The following MROH1 variants were observed in gnomAD, a reference collection of about 807,000 sequenced individuals.
The protein encoded by MROH1 is maestro heat-like repeat-containing protein family member 1.
Under a neutral mutation model 116.5 loss-of-function variants are expected in MROH1, and 117 were observed. The observed-to-expected ratio is 1.00, with a 90% CI of 0.86 to 1.17. The LOEUF is 1.17. MROH1 is among the 50% of genes most tolerant of loss of function. MROH1 has a pLI of 0.00. For synonymous variants in MROH1, 921 were observed against 583.9 expected (o/e 1.58, Z -8.32); for missense variants, 1,873 against 1,338.5 (o/e 1.40, Z -6.23).
intron 14 of MROH1, among the ~76,000 whole-genome samples, chr8:144,236,962 G>A (rs1325487405): frequency 3.0e-5 from 4 of 134,496 alleles, no homozygotes; most frequent in Non-Finnish European, 1.5e-5. Flanking sequence ...CTGGAGTGCA[G>A]TGGGGTAATC....
At position 144,244,558 on chromosome 8, in the gene MROH1, TCATGGG is replaced by T. The variant is rs1300035713; in HGVS notation, c.2766+20_2766+25del. On this transcript the variant is annotated intron_variant, in intron 28 of 43. Coordinates refer to ENST00000326134, the MANE Select transcript of MROH1 (RefSeq NM_032450.3). Reference sequence around the variant, plus strand: ...GATTGAGGTGTGCAGGGGGGAACTGTCATGGGGATGGGGATGGGGGCACAGAGGGCA... The same window carrying T: ...GATTGAGGTGTGCAGGGGGGAACTGTGATGGGGATGGGGGCACAGAGGGCA... 6.8e-6 allele frequency: 5 copies of T among 733,444 alleles called. No homozygotes were observed. In the African/African-American group the frequency reaches 9.5e-5, roughly 14 times the overall value. The allele number at this position is 733,444 out of a possible 1,614,324, so 45.4% of individuals were successfully genotyped here.
intron 39 of MROH1, 63 bp downstream of exon 39, chr8:144,260,437 C>A (rs1339346313): frequency 1.4e-6 from 1 of 700,302 alleles, no homozygotes; most frequent in African/African-American, 1.8e-5. Flanking sequence ...TTACTCTGAG[C>A]TTTAGCCCCA....
At chr8:144,222,066 C>T (rs1836875889) in intron 13 of MROH1, among the ~76,000 whole-genome samples, 1 of 151,672 alleles carries the variant, frequency 6.6e-6, no homozygotes, top group Admixed American at 6.6e-5. Flanking sequence ...ACTGCAGATT[C>T]AGGGACCAGA....
intron 19 of MROH1, 25 bp downstream of exon 19, chr8:144,240,178 C>CTGG (rs1840726885): frequency 2.6e-6 from 2 of 765,060 alleles, no homozygotes; most frequent in Non-Finnish European, 4.9e-6. Context: ...ACGGCCCATC[C>CTGG]TGGGCCTTAA....
At chr8:144,206,878 C>CA (rs977438901) in intron 12 of MROH1, among the ~76,000 whole-genome samples, 1 of 150,876 alleles carries the variant, frequency 6.6e-6, no homozygotes, top group African/African-American at 2.4e-5. Context: ...ACTAAAAATA[C>CA]AAAAAAATGC....
intron 29 of MROH1, among the ~76,000 whole-genome samples, chr8:144,246,689 C>G (rs899849050): frequency 1.3e-5 from 2 of 152,170 alleles, no homozygotes; most frequent in African/African-American, 2.4e-5. Context: ...AGCCCAGGAT[C>G]CTGTGCAAGG....
At chr8:144,243,460 C>T (rs2132975838) in intron 24 of MROH1, 34 bp from the exon 25 acceptor site, 5 of 777,044 alleles carry the variant, frequency 6.4e-6, no homozygotes, top group South Asian at 2.7e-5. Flanking sequence ...GGAGGGCGGG[C>T]GTGGGCGTCT....
At chr8:144,157,989 CTTTTTTTTTTTTT>C (rs1157662078) in intron 1 of MROH1, among the ~76,000 whole-genome samples, 36 of 88,868 alleles carry the variant, frequency 4.1e-4, no homozygotes, top group African/African-American at 1.6e-3. Flanking sequence ...CTATTTCTTT[CTTTTTTTTTTTTT>C]TTTTTTTTGA....
intron 14 of MROH1, among the ~76,000 whole-genome samples, chr8:144,228,258 C>T (rs1016559370): frequency 6.6e-6 from 1 of 152,140 alleles, no homozygotes; most frequent in Non-Finnish European, 1.5e-5. Context: ...TTACACTATA[C>T]TGTAGTATAT....
intron 14 of MROH1, among the ~76,000 whole-genome samples, chr8:144,237,817 A>AT (rs1270786125): frequency 6.6e-6 from 1 of 151,452 alleles, no homozygotes; most frequent in Non-Finnish European, 1.5e-5. Context: ...CTTTTGGTGC[A>AT]TTTTTTCGCA....
chr8:144,214,948 C>T (rs571151485), intron 12 of MROH1, among the ~76,000 whole-genome samples: 134 of 152,296 alleles, frequency 8.8e-4, no homozygotes, highest in African/African-American at 2.8e-3. Flanking sequence ...GCATCCAGCA[C>T]GGGAGAAAGA....
chr8:144,248,808 CGATGCCTAACA>C (rs1842351998), intron 31 of MROH1, 58 bp from the exon 32 acceptor site: 1 of 745,908 alleles, frequency 1.3e-6, no homozygotes, highest in Admixed American at 1.9e-5. Context: ...CCCTGAGACC[CGATGCCTAACA>C]GAAGTGGCGT....
chr8:144,178,150 T>A (rs539639361), intron 4 of MROH1, among the ~76,000 whole-genome samples: 202 of 143,738 alleles, frequency 1.4e-3, no homozygotes, highest in Non-Finnish European at 2.6e-3. Flanking sequence ...TGTTTTTTTT[T>A]TGAGACAGAG....
At chr8:144,161,863 G>T (rs1819616412) in intron 2 of MROH1, among the ~76,000 whole-genome samples, 2 of 152,132 alleles carry the variant, frequency 1.3e-5, no homozygotes, top group Admixed American at 6.6e-5. Context: ...TGGTCCCAGA[G>T]CCCGGCCACT....
rs917996398 is a variant in MROH1 at position 144,254,977 on chromosome 8, C to T, written c.3593C>T (p.Ser1198Leu). Residue 1198 changes from serine to leucine, a missense_variant and splice_region_variant, in exon 34 of 44, where the codon TCG becomes TTG. Transcript: ENST00000326134. ...PDRVATLLPL[S>L]ATCALFEVMS... ...CGCGTGGCCACGCTGCTGCCTCTCT[C>T]GGTGAGTCGGGCTCTCGGGGCCACC... 5.4e-4 allele frequency: 409 copies of T among 761,054 alleles called. 3 individuals carry two copies. The East Asian group carries it at 5.6e-3, about 10-fold the overall frequency. 47.1% of individuals were successfully genotyped at this position (761,054 alleles called of 1,614,324 possible). A position where few individuals can be genotyped will look rare whatever the true frequency, so the allele number is the denominator to read the frequency against.
chr8:144,154,628 A>G (rs1817607373), intron 1 of MROH1, among the ~76,000 whole-genome samples: 1 of 151,344 alleles, frequency 6.6e-6, no homozygotes, highest in African/African-American at 2.4e-5. Context: ...AGTATGTGCT[A>G]CACTTAATTC....
At chr8:144,259,202 G>A (rs1844499078) in intron 36 of MROH1, 38 bp from the exon 37 acceptor site, 1 of 708,646 alleles carries the variant, frequency 1.4e-6, no homozygotes, top group South Asian at 1.5e-5. Context: ...GTTCAGCACA[G>A]CAACAGCCCC....
chr8:144,199,046 C>T (rs1160230328), intron 10 of MROH1, 76 bp from the exon 11 acceptor site: 1 of 1,417,646 alleles, frequency 7.1e-7, no homozygotes, highest in Non-Finnish European at 9.8e-7. Flanking sequence ...GCTGCCCAGG[C>T]CCAGAATTGT....
chr8:144,156,586 G>A (rs1245108604), intron 1 of MROH1, among the ~76,000 whole-genome samples: 1 of 150,574 alleles, frequency 6.6e-6, no homozygotes, highest in Non-Finnish European at 1.5e-5. Flanking sequence ...GTGTGTGCCT[G>A]TAGTCCCATC....
Sources: allele counts gnomAD v4.1 joint callset (sites outside exome capture counted in the v4.1 genomes callset), GRCh38; gene constraint gnomAD v4.1.1; transcripts MANE v1.5; gene names NCBI Gene and HGNC (gene_info 2026-07-23, HGNC 2026-07-21).